Variants in CEP128 observed in about 807,000 individuals in gnomAD.
CEP128 encodes centrosomal protein 128.
In CEP128, 132 loss-of-function variants were observed where a neutral mutation model predicts 156.7. That is an observed-to-expected ratio of 0.84 (90% CI 0.73 to 0.97). The LOEUF (loss-of-function observed/expected upper bound fraction) is 0.97, where lower values mean the gene tolerates loss of function less well. Among genes scored for constraint, CEP128 ranks in the 50% least tolerant of loss-of-function variants. CEP128 has a pLI of 0.00. For missense variants in CEP128, 1,252 were observed against 1,281.9 expected, an observed-to-expected ratio of 0.98 and a Z score of 0.36; for synonymous variants, 469 against 448.9, an observed-to-expected ratio of 1.04 and a Z score of -0.57.
At chr14:80,751,669 G>A (rs972913029) in intron 18 of CEP128, among the ~76,000 whole-genome samples, 8 of 144,148 alleles carry the variant, frequency 5.5e-5, no homozygotes, top group South Asian at 2.2e-4. Context: ...TCACTCTGCC[G>A]CCCAGGCTGG....
At chr14:80,734,374 G>A (rs1898423439) in intron 19 of CEP128, among the ~76,000 whole-genome samples, 1 of 151,820 alleles carries the variant, frequency 6.6e-6, no homozygotes, top group Non-Finnish European at 1.5e-5. Context: ...AGTCTTTAGG[G>A]TCCACAAAAG....
At chr14:80,711,648 T>C (rs1247218766) in intron 19 of CEP128, among the ~76,000 whole-genome samples, 1 of 152,066 alleles carries the variant, frequency 6.6e-6, no homozygotes, top group Non-Finnish European at 1.5e-5. Context: ...TAGTATTTAA[T>C]AGCACAACAG....
chr14:80,941,355 C>G (rs997204859), intron 1 of CEP128, among the ~76,000 whole-genome samples: 1 of 152,064 alleles, frequency 6.6e-6, no homozygotes, highest in Non-Finnish European at 1.5e-5. Context: ...GGTAACCTGG[C>G]CAGGACCTGA....
At chr14:80,528,034 T>C (rs1179968015) in intron 22 of CEP128, among the ~76,000 whole-genome samples, 1 of 151,966 alleles carries the variant, frequency 6.6e-6, no homozygotes, top group East Asian at 1.9e-4. Context: ...ACGGATTTAG[T>C]GTCCCTCAAA....
At chr14:80,956,305 T>C (rs1035193360) in intron 2 of CEP128, among the ~76,000 whole-genome samples, 1 of 152,242 alleles carries the variant, frequency 6.6e-6, no homozygotes, top group Non-Finnish European at 1.5e-5. Context: ...TTCTGCTGAT[T>C]CATCAAATTG....
chr14:80,638,212 G>A (rs1195483309), intron 19 of CEP128, among the ~76,000 whole-genome samples: 1 of 151,982 alleles, frequency 6.6e-6, no homozygotes, highest in Non-Finnish European at 1.5e-5. Flanking sequence ...ACAATGAATG[G>A]CCAAATCGTA....
chr14:80,914,268 C>A (rs1884418145), intron 4 of CEP128, 54 bp downstream of exon 4: 1 of 1,352,468 alleles, frequency 7.4e-7, no homozygotes, highest in African/African-American at 1.4e-5. Flanking sequence ...CCCCAAAACA[C>A]TTCATTCCCA....
chr14:80,537,139 G>T (rs896565618), intron 21 of CEP128, among the ~76,000 whole-genome samples: 1 of 152,002 alleles, frequency 6.6e-6, no homozygotes, highest in Non-Finnish European at 1.5e-5. Context: ...GATACAGAAG[G>T]CTTTCTAGGT....
At chr14:80,675,993 A>C (rs541760903) in intron 19 of CEP128, among the ~76,000 whole-genome samples, 2 of 152,260 alleles carry the variant, frequency 1.3e-5, no homozygotes, top group South Asian at 4.1e-4. Flanking sequence ...TTAGCATGAA[A>C]TGCTATCTTT....
chr14:80,925,027 C>CTAT (rs1412718935), intron 2 of CEP128, among the ~76,000 whole-genome samples: 1 of 151,932 alleles, frequency 6.6e-6, no homozygotes, highest in African/African-American at 2.4e-5. Flanking sequence ...GGATCCTGAA[C>CTAT]TATTAAACTG....
Position 80,526,953 on chromosome 14 carries a change from A to T in CEP128, c.2988T>A (p.Asp996Glu). Residue 996 changes from aspartate to glutamate, a missense_variant, in exon 23 of 25, where the codon GAT becomes GAA. By Grantham distance (45) the Asp-to-Glu change is conservative. Coordinates refer to ENST00000555265, the MANE Select transcript of CEP128 (RefSeq NM_152446.5). ...RDSCSSSERT[D>E]GRYSKYRVRR... ...GAACCCTGTATTTGGAATATCTTCC[A>T]TCAGTTCTCTCAGATGAACTGCAGG... The T allele has an allele frequency of 6.2e-7, 1 of 1,603,286 alleles. No homozygotes were observed. Among genetic ancestry groups the T allele is most frequent in the Non-Finnish European group, 8.5e-7 (1 of 1,173,246 alleles).
intron 4 of CEP128, among the ~76,000 whole-genome samples, chr14:80,912,613 C>T (rs958011599): frequency 1.3e-5 from 2 of 152,078 alleles, no homozygotes; most frequent in African/African-American, 4.8e-5. Context: ...TGGTCAAGTA[C>T]ATCATAAATC....
At chr14:80,919,262 T>C (rs1011378074) in intron 2 of CEP128, among the ~76,000 whole-genome samples, 2 of 152,152 alleles carry the variant, frequency 1.3e-5, no homozygotes, top group African/African-American at 4.8e-5. Context: ...ACACTTCTAA[T>C]ACGTAGACAA....
At chr14:80,950,946 A>C (rs1886453437) in intron 2 of CEP128, among the ~76,000 whole-genome samples, 1 of 152,020 alleles carries the variant, frequency 6.6e-6, no homozygotes, top group African/African-American at 2.4e-5. Flanking sequence ...AGGAGCAAAG[A>C]AAACTTTGAC....
At chr14:80,938,296 G>C (rs926765609) in intron 2 of CEP128, among the ~76,000 whole-genome samples, 1 of 146,170 alleles carries the variant, frequency 6.8e-6, no homozygotes, top group South Asian at 2.2e-4. Context: ...GCCCAGGCTG[G>C]AGTGCAGTGG....
chr14:80,764,152 T>C (rs1447022535), intron 16 of CEP128, among the ~76,000 whole-genome samples: 1 of 152,200 alleles, frequency 6.6e-6, no homozygotes, highest in African/African-American at 2.4e-5. Flanking sequence ...TTGAGAATGT[T>C]GATATTGTCA....
At chr14:80,673,582 C>T (rs112610802) in intron 19 of CEP128, among the ~76,000 whole-genome samples, 16,821 of 121,814 alleles carry the variant, frequency 0.14, 1,341 homozygotes, top group Middle Eastern at 0.2. Flanking sequence ...GGAGGCGGAG[C>T]TTGCAGTGAG....
intron 2 of CEP128, among the ~76,000 whole-genome samples, chr14:80,924,990 A>G (rs1414277872): frequency 6.6e-6 from 1 of 152,194 alleles, no homozygotes; most frequent in Non-Finnish European, 1.5e-5. Flanking sequence ...AAGATGAATC[A>G]CAAGTTTCTG....
intron 19 of CEP128, among the ~76,000 whole-genome samples, chr14:80,683,700 T>C (rs189761981): frequency 1.2e-4 from 19 of 152,214 alleles, no homozygotes; most frequent in Admixed American, 1.2e-3. Flanking sequence ...ACTCCAACAC[T>C]GACCATAAGC....
Sources: gnomAD v4.1 joint callset for allele counts (sites outside exome capture counted in the v4.1 genomes callset) on GRCh38, gnomAD v4.1.1 for gene constraint, MANE v1.5 for transcripts, NCBI Gene and HGNC (gene_info 2026-07-23, HGNC 2026-07-21) for gene names.